Variants in LOXL2 observed in about 807,000 individuals in gnomAD.
LOXL2 encodes lysyl oxidase like 2, also known as lysyl oxidase homolog 2.
In LOXL2, 70 loss-of-function variants were observed where a neutral mutation model predicts 93.0. That is an observed-to-expected ratio of 0.75 (90% CI 0.62 to 0.92). The LOEUF is 0.92. Among genes scored for constraint, LOXL2 ranks in the 40% least tolerant of loss-of-function variants. The pLI, the probability that LOXL2 is intolerant of heterozygous loss-of-function variation, is 0.00. For synonymous variants in LOXL2, 438 were observed against 413.2 expected (o/e 1.06, Z -0.73); for missense variants, 973 against 1,054.9 (o/e 0.92, Z 1.08).
chr8:23,375,120 G>A (rs1284980893), intron 1 of LOXL2, among the ~76,000 whole-genome samples: 2 of 152,048 alleles, frequency 1.3e-5, no homozygotes, highest in East Asian at 3.8e-4. Flanking sequence ...ATTAATTTTT[G>A]TATAAGGTGT....
At chr8:23,347,168 A>AAC (rs60464587) in intron 3 of LOXL2, among the ~76,000 whole-genome samples, 4,628 of 141,724 alleles carry the variant, frequency 0.033, 80 homozygotes, top group African/African-American at 0.039. Context: ...AACACACACA[A>AAC]ACACACACAC....
At chr8:23,387,710 G>A (rs938386328) in intron 1 of LOXL2, among the ~76,000 whole-genome samples, 2 of 152,172 alleles carry the variant, frequency 1.3e-5, no homozygotes, top group Non-Finnish European at 2.9e-5. Flanking sequence ...AGCACTTTGG[G>A]AGGCTGAGGC....
In LOXL2 at chr8:23,330,332, T is replaced by TCAAAA. The variant is rs5890099; in HGVS notation, c.967-1772_967-1768dup. Among the ~76,000 whole-genome samples, 1,007 of 150,194 alleles carry TCAAAA rather than the reference T, an allele frequency of 6.7e-3. 11 individuals are homozygous for TCAAAA. The highest frequency in any genetic ancestry group is 0.023 in the African/African-American group (936 of 40,850). ...CTGGGCGAAAGAGCGAGACTCCGTC[T>TCAAAA]CAAAACAAAACAAAACAAAACAAAA... On this transcript the variant is annotated intron_variant, in intron 5 of 13. Transcript: ENST00000389131.
intron 1 of LOXL2, chr8:23,385,782 A>C (rs1342530807): frequency 1.7e-6 from 1 of 588,114 alleles, no homozygotes; most frequent in Non-Finnish European, 3.0e-6. Context: ...AATAGATGAA[A>C]TCAATGTTAA....
At chr8:23,387,081 G>A (rs1350814101) in intron 1 of LOXL2, among the ~76,000 whole-genome samples, 2 of 152,212 alleles carry the variant, frequency 1.3e-5, no homozygotes, top group Non-Finnish European at 2.9e-5. Flanking sequence ...AGGTGCCGAA[G>A]GACTGAAGTC....
At chr8:23,389,691 C>T (rs1804812564) in intron 1 of LOXL2, among the ~76,000 whole-genome samples, 1 of 152,202 alleles carries the variant, frequency 6.6e-6, no homozygotes, top group Admixed American at 6.5e-5. Flanking sequence ...AGTGCCCTGA[C>T]ACAACCTGAT....
At chr8:23,361,554 C>T (rs1804290774) in intron 2 of LOXL2, among the ~76,000 whole-genome samples, 2 of 152,252 alleles carry the variant, frequency 1.3e-5, no homozygotes, top group South Asian at 4.1e-4. Context: ...ATCAAAAAAA[C>T]AGAAAATGGG....
chr8:23,317,855 C>T (rs1803426994), intron 8 of LOXL2, among the ~76,000 whole-genome samples: 1 of 151,964 alleles, frequency 6.6e-6, no homozygotes, highest in Admixed American at 6.6e-5. Context: ...TGCTGTGTTC[C>T]TCAGGTCTCT....
chr8:23,370,608 CAG>C (rs1330088084), intron 1 of LOXL2: 2 of 152,240 alleles, frequency 1.3e-5, no homozygotes, highest in Non-Finnish European at 2.9e-5. Flanking sequence ...ACCAAGAATC[CAG>C]AGAGATGGGA....
At chr8:23,301,899 G>A in intron 12 of LOXL2, 128 bp downstream of exon 12, 1 of 1,156,270 alleles carries the variant, frequency 8.6e-7, no homozygotes, top group African/African-American at 1.5e-5. Context: ...TGGCCTCTGG[G>A]GGTAGCACCT....
At chr8:23,341,379 G>A (rs1336805669) in intron 3 of LOXL2, 176 bp from the exon 4 acceptor site, 2 of 627,378 alleles carry the variant, frequency 3.2e-6, no homozygotes, top group Non-Finnish European at 5.7e-6. Context: ...CCAAGCTGCA[G>A]TTAGAAAGCG....
chr8:23,397,140 A>T (rs1800100991), intron 1 of LOXL2, among the ~76,000 whole-genome samples: 2 of 152,346 alleles, frequency 1.3e-5, no homozygotes, highest in South Asian at 4.1e-4. Flanking sequence ...TATATGAAGT[A>T]CCTAGTTCAG....
chr8:23,317,849 G>T (rs1252344656), intron 8 of LOXL2, among the ~76,000 whole-genome samples: 1 of 152,138 alleles, frequency 6.6e-6, no homozygotes, highest in Non-Finnish European at 1.5e-5. Context: ...CACAGGTGCT[G>T]TGTTCCTCAG....
At chr8:23,356,729 A>T (rs1804206234) in intron 3 of LOXL2, among the ~76,000 whole-genome samples, 2 of 152,192 alleles carry the variant, frequency 1.3e-5, no homozygotes, top group African/African-American at 4.8e-5. Flanking sequence ...TGACAGCCAG[A>T]GGGAGGCCTT....
rs115427851 is a variant in LOXL2 at position 23,350,601 on chromosome 8, T to A, written c.532-9398A>T. ...AAAATAAGCTGCTGGTAACATTCTT[T>A]AGCCTGTGACTTCTTGATGGAAGAA... is the stretch of plus-strand genomic sequence containing the variant. On this transcript the variant is annotated intron_variant, in intron 3 of 13. Coordinates refer to ENST00000389131, the MANE Select transcript of LOXL2 (RefSeq NM_002318.3). Among the ~76,000 whole-genome samples the A allele has an allele frequency of 5.2e-3, 791 of 152,310 alleles. 8 individuals carry two copies. The highest frequency in any genetic ancestry group is 0.018 in the African/African-American group (757 of 41,574).
At chr8:23,400,069 T>A (rs1037024534) in intron 1 of LOXL2, among the ~76,000 whole-genome samples, 1 of 152,192 alleles carries the variant, frequency 6.6e-6, no homozygotes, top group Non-Finnish European at 1.5e-5. Context: ...TTTTCCCACA[T>A]GATCTGCCAA....
intron 6 of LOXL2, among the ~76,000 whole-genome samples, chr8:23,323,825 C>G (rs1803537081): frequency 6.6e-6 from 1 of 152,154 alleles, no homozygotes; most frequent in Admixed American, 6.5e-5. Context: ...CCTTGGCCTC[C>G]TGAGTAGCTG....
chr8:23,343,098 G>T (rs1397665208), intron 3 of LOXL2, among the ~76,000 whole-genome samples: 1 of 152,062 alleles, frequency 6.6e-6, no homozygotes. Flanking sequence ...GCTCCTCTTT[G>T]TCTATGTAAT....
At position 23,360,140 on chromosome 8, in the gene LOXL2, T is replaced by C; in HGVS notation, c.481A>G (p.Lys161Glu). The part of the protein sequence containing the change: ...TEDVGVVCSD[K>E]RIPGFKFDNS... ...TCAAATTTGAACCCAGGAATCCTTT[T>C]GTCGCTGCACACCACACCGACATCC... is the stretch of plus-strand genomic sequence containing the variant. Residue 161 changes from lysine (K) to glutamate (E), a missense_variant, in exon 3 of 14, where the codon AAA becomes GAA. Physicochemically the swap from Lys to Glu is moderately conservative, Grantham distance 56. Transcript: ENST00000389131. 1 of 1,612,152 alleles carries C rather than the reference T, an allele frequency of 6.2e-7. No individual in the cohort carries two copies.
Sources: allele counts gnomAD v4.1 joint callset (sites outside exome capture counted in the v4.1 genomes callset), GRCh38; gene constraint gnomAD v4.1.1; transcripts MANE v1.5; gene names NCBI Gene and HGNC (gene_info 2026-07-23, HGNC 2026-07-21).